SP140: variants seen among roughly 807,000 people sequenced by gnomAD.
The protein encoded by SP140 is nuclear body protein SP140.
SP140 carries 81 observed loss-of-function variants against 125.0 expected under a neutral mutation model. That is an observed-to-expected ratio of 0.65 (90% CI 0.54 to 0.78). The LOEUF (loss-of-function observed/expected upper bound fraction) is 0.78. SP140 is among the 30% of genes least tolerant of loss of function. The pLI is 0.00. For missense variants in SP140, 858 were observed against 1,037.0 expected (o/e 0.83, Z 2.37); for synonymous variants, 312 against 354.0 (o/e 0.88, Z 1.33).
At chr2:230,227,581 TATTA>T (rs2046638828) in intron 1 of SP140, among the ~76,000 whole-genome samples, 1 of 152,248 alleles carries the variant, frequency 6.6e-6, no homozygotes, top group African/African-American at 2.4e-5. Flanking sequence ...TCTGGAGGGC[TATTA>T]ATTATCGATT....
Position 230,237,183 on chromosome 2 carries a change from G to T in SP140, c.160G>T (p.Ala54Ser). The T allele has an allele frequency of 9.3e-6, 15 of 1,613,630 alleles. No homozygotes were observed. Among genetic ancestry groups the T allele is most frequent in the Non-Finnish European group, 1.2e-5 (14 of 1,179,766 alleles). ...RFFRENKVEI[A>S]SAITRPFPFL... is the part of the protein sequence containing the mutation. ...CTTCAGAGAAAACAAGGTGGAGATT[G>T]CAAGTGCAATAACAAGGCCATTTCC... The change falls in exon 2 of 27, where the codon GCA becomes TCA. Residue 54 changes from alanine to serine, a missense_variant. This residue lies in a region of SP140 where 791 missense variants were observed against 869.5 expected (regional missense o/e 0.91). Coordinates refer to ENST00000392045, the MANE Select transcript of SP140 (RefSeq NM_007237.5). This position sits in a 1 kb window ranked among gnomAD's most constrained non-coding sequence, Gnocchi z 5.4.
At chr2:230,240,735 T>A (rs569237327) in intron 3 of SP140, among the ~76,000 whole-genome samples, 2 of 152,318 alleles carry the variant, frequency 1.3e-5, no homozygotes, top group South Asian at 4.2e-4. Context: ...AACGACCACT[T>A]TGGGAAAGTG....
intron 1 of SP140, among the ~76,000 whole-genome samples, chr2:230,229,764 A>G (rs2046983807): frequency 6.6e-6 from 1 of 151,870 alleles, no homozygotes; most frequent in Non-Finnish European, 1.5e-5. Context: ...GTTTGAGAAA[A>G]TCTTTATTTC....
At chr2:230,244,590 A>G (rs2049151688) in intron 5 of SP140, among the ~76,000 whole-genome samples, 1 of 152,206 alleles carries the variant, frequency 6.6e-6, no homozygotes, top group African/African-American at 2.4e-5. Context: ...GCAGAGAGAA[A>G]CGGTAAGATT....
intron 11 of SP140, 93 bp downstream of exon 11, chr2:230,253,510 C>T: frequency 1.1e-6 from 1 of 900,716 alleles, no homozygotes; most frequent in Non-Finnish European, 1.8e-6. Context: ...TCCTACCCTT[C>T]TCTTCTTCAC....
At chr2:230,306,612 G>A (rs1389450126) in intron 22 of SP140, among the ~76,000 whole-genome samples, 1 of 152,262 alleles carries the variant, frequency 6.6e-6, no homozygotes, top group Non-Finnish European at 1.5e-5. Flanking sequence ...AGCACCTGCT[G>A]CAATCTTGGA....
rs1436272911 is a variant in SP140, at chr2:230,237,675, G to A, written c.237+415G>A. 2 of 163,302 alleles carry A rather than the reference G, an allele frequency of 1.2e-5. No homozygotes were observed. Among genetic ancestry groups the A allele is most frequent in the Non-Finnish European group, 2.6e-5 (2 of 75,836 alleles). The allele number at this position is 163,302 out of a possible 1,614,324, so 10.1% of individuals were successfully genotyped here. Reference sequence around the variant, plus strand: ...TTTTAGGTTACATTTGGAAGTGGATGCTTGCTACTGTCTCTCCAAATCATT... The same window carrying A: ...TTTTAGGTTACATTTGGAAGTGGATACTTGCTACTGTCTCTCCAAATCATT... On this transcript the variant is annotated intron_variant, in intron 2 of 26. Coordinates refer to ENST00000392045, the MANE Select transcript of SP140 (RefSeq NM_007237.5). The surrounding 1 kb of genome is among the most constrained non-coding windows in gnomAD (Gnocchi z 5.4).
intron 11 of SP140, among the ~76,000 whole-genome samples, chr2:230,254,979 T>C (rs1039810979): frequency 6.6e-6 from 1 of 152,136 alleles, no homozygotes; most frequent in Non-Finnish European, 1.5e-5. Context: ...TCATTTCCAC[T>C]ATCCCAGGAA....
chr2:230,286,212 C>T (rs2056363522), intron 17 of SP140, among the ~76,000 whole-genome samples: 1 of 152,206 alleles, frequency 6.6e-6, no homozygotes, highest in Non-Finnish European at 1.5e-5. Flanking sequence ...TGAGCAAGCT[C>T]TGTCGCTTTC....
intron 8 of SP140, 71 bp downstream of exon 8, chr2:230,248,136 G>C: frequency 6.9e-7 from 1 of 1,457,942 alleles, no homozygotes; most frequent in Non-Finnish European, 9.5e-7. Flanking sequence ...TGGGAGACCA[G>C]GTGGGCAAGG....
At chr2:230,201,131 G>C (rs1420238270), upstream of SP140, among the ~76,000 whole-genome samples, 1 of 152,162 alleles carries the variant, frequency 6.6e-6, no homozygotes, top group African/African-American at 2.4e-5. Flanking sequence ...TCATGACACT[G>C]TGCCTGTCTG....
intron 15 of SP140, among the ~76,000 whole-genome samples, chr2:230,278,694 C>T (rs2055081090): frequency 6.6e-6 from 1 of 152,034 alleles, no homozygotes; most frequent in Admixed American, 6.6e-5. Context: ...AGCCAAGCGT[C>T]TAATTTCATT....
Position 230,212,551 on chromosome 2 carries a change from C to T in SP140, c.-322-1103C>T, listed in dbSNP as rs558535519. ...GCACAAGGGCAGAGGGTTGGAATGTCCCGGGAGTGGGAAGCAGGTGTTCTG... is the reference window on the plus strand; with the variant it reads ...GCACAAGGGCAGAGGGTTGGAATGTTCCGGGAGTGGGAAGCAGGTGTTCTG... On this transcript the variant is annotated intron_variant, in intron 1 of 4. Coordinates refer to the SP140 transcript ENST00000456542. 1.1e-5 allele frequency: 12 copies of T among 1,054,872 alleles called. No individual in the cohort carries two copies. The East Asian group carries it at 2.8e-4, about 25-fold the overall frequency. The allele number at this position is 1,054,872 out of a possible 1,614,324, so 65.3% of individuals were successfully genotyped here. A position where few individuals can be genotyped will look rare whatever the true frequency, so the allele number is the denominator to read the frequency against.
At chr2:230,284,201 A>G in intron 15 of SP140, 145 bp from the exon 16 acceptor site, 1 of 674,682 alleles carries the variant, frequency 1.5e-6, no homozygotes, top group South Asian at 2.4e-5. Context: ...CTCAACCTCC[A>G]CGCTGCTACA....
chr2:230,254,229 G>A (rs1013681511), intron 11 of SP140, among the ~76,000 whole-genome samples: 5 of 152,144 alleles, frequency 3.3e-5, no homozygotes, highest in Admixed American at 1.3e-4. Flanking sequence ...AAACTATGTC[G>A]GAGGAAAGGA....
chr2:230,230,529 G>T (rs2047093002), intron 1 of SP140: 1 of 152,194 alleles, frequency 6.6e-6, no homozygotes, highest in Non-Finnish European at 1.5e-5. Context: ...CAAGGAGGGG[G>T]TAAGTTTTGG....
rs2059266639 is a variant in SP140, at chr2:230,310,765, T to C, written c.2197T>C (p.Cys733Arg). 6.5e-7 allele frequency: 1 copy of C among 1,538,938 alleles called. No homozygotes were observed. Among genetic ancestry groups the C allele is most frequent in the Non-Finnish European group, 8.8e-7 (1 of 1,132,404 alleles). ...AERTPWNCIF[C>R]RMKESPGSQQ... Reference sequence around the variant, plus strand: ...CAGGACCCCGTGGAATTGCATCTTCTGCAGGATGAAGGAGTCTCCGGGAAG... The same window carrying C: ...CAGGACCCCGTGGAATTGCATCTTCCGCAGGATGAAGGAGTCTCCGGGAAG... Residue 733 changes from cysteine (C) to arginine (R), a missense_variant, in exon 24 of 27, where the codon TGC (cysteine) becomes CGC (arginine). By Grantham distance (180) the Cys-to-Arg change is radical. Transcript: ENST00000392045.
chr2:230,293,314 A>G (rs1157848718), intron 20 of SP140, among the ~76,000 whole-genome samples: 4 of 152,168 alleles, frequency 2.6e-5, no homozygotes, highest in Admixed American at 6.5e-5. Context: ...AGGATTGGAA[A>G]TGACATTTAA....
At chr2:230,212,638 TG>T in intron 1 of SP140, 1 of 1,332,410 alleles carries the variant, frequency 7.5e-7, no homozygotes, top group Non-Finnish European at 1.1e-6. Context: ...GGGTTGTGTT[TG>T]GGTAGATGGG....
Sources: gnomAD v4.1 joint callset for allele counts (sites outside exome capture counted in the v4.1 genomes callset) on GRCh38, gnomAD v4.1.1 for gene constraint, gnomAD v4.1.1 regional missense constraint, Gnocchi (gnomAD v3.1) non-coding constraint, MANE v1.5 for transcripts, NCBI Gene and HGNC (gene_info 2026-07-23, HGNC 2026-07-21) for gene names.